The following CDK5RAP2 variants were observed in gnomAD, a reference collection of about 807,000 sequenced individuals.
CDK5RAP2 encodes the protein CDK5 regulatory subunit-associated protein 2.
A neutral mutation model predicts 232.9 loss-of-function variants in CDK5RAP2; 147 were observed. The observed-to-expected ratio is 0.63, with a 90% confidence interval of 0.55 to 0.72. CDK5RAP2 has a LOEUF of 0.72. Among genes scored for constraint, CDK5RAP2 ranks in the 30% least tolerant of loss-of-function variants. CDK5RAP2 has a pLI of 0.00. For synonymous variants in CDK5RAP2, 833 were observed against 833.7 expected, an observed-to-expected ratio of 1.00 and a Z score of 0.01; for missense variants, 2,195 against 2,231.5, an observed-to-expected ratio of 0.98 and a Z score of 0.33.
chr9:120,425,077 G>T (rs989852513), intron 25 of CDK5RAP2, among the ~76,000 whole-genome samples: 1 of 152,086 alleles, frequency 6.6e-6, no homozygotes, highest in African/African-American at 2.4e-5. Flanking sequence ...CAGGCTTTAA[G>T]CATTCCGGGT....
intron 4 of CDK5RAP2, among the ~76,000 whole-genome samples, chr9:120,547,366 G>C (rs1190535809): frequency 1.3e-5 from 2 of 152,110 alleles, no homozygotes; most frequent in African/African-American, 4.8e-5. Context: ...CAGTTTGGGA[G>C]GCTGAGGTGG....
In CDK5RAP2 at chr9:120,458,339, G is replaced by A. The variant is rs1418943094; in HGVS notation, c.2375+111C>T. 32 of 1,020,618 alleles carry A rather than the reference G, an allele frequency of 3.1e-5. No individual in the cohort carries two copies. The East Asian group carries it at 8.0e-4, about 25-fold the overall frequency. 63.2% of individuals were successfully genotyped at this position (1,020,618 alleles called of 1,614,324 possible). ...CAAGATTCCTTCCAAGCCATTTCAG[G>A]AGCTCTCTCAGGTAAATTACACAGC... is the stretch of plus-strand genomic sequence containing the variant. On this transcript the variant is annotated intron_variant, in intron 20 of 37. Coordinates refer to ENST00000349780, the MANE Select transcript of CDK5RAP2 (RefSeq NM_018249.6).
intron 27 of CDK5RAP2, among the ~76,000 whole-genome samples, chr9:120,416,629 G>T (rs2034239055): frequency 6.6e-6 from 1 of 152,096 alleles, no homozygotes; most frequent in Non-Finnish European, 1.5e-5. Flanking sequence ...GCATGTATTT[G>T]TTCAGCCTCT....
intron 11 of CDK5RAP2, among the ~76,000 whole-genome samples, chr9:120,521,393 C>CA (rs1158302999): frequency 1.3e-5 from 2 of 152,096 alleles, no homozygotes; most frequent in Non-Finnish European, 2.9e-5. Context: ...TTGTAGCTCC[C>CA]AAAATCCCCA....
At chr9:120,525,159 T>C (rs920434177) in intron 10 of CDK5RAP2, 81 bp from the exon 11 acceptor site, 20 of 1,056,412 alleles carry the variant, frequency 1.9e-5, no homozygotes, top group South Asian at 2.6e-5. Context: ...TCCTGCTCAA[T>C]TGTGTCGTGC....
At chr9:120,390,130 C>A (rs907801931) in intron 36 of CDK5RAP2, 1 of 303,132 alleles carries the variant, frequency 3.3e-6, no homozygotes, top group Non-Finnish European at 6.5e-6. Flanking sequence ...CTTCTGTGGG[C>A]CAGGGAGGGC....
At chr9:120,558,322 G>A (rs1384920132) in intron 3 of CDK5RAP2, among the ~76,000 whole-genome samples, 47 of 109,610 alleles carry the variant, frequency 4.3e-4, no homozygotes, top group Non-Finnish European at 5.5e-4. Flanking sequence ...GCAGTGAGCC[G>A]AGATCACACC....
Position 120,498,549 on chromosome 9 carries a change from T to C in CDK5RAP2, c.1312-7072A>G, listed in dbSNP as rs569748863. ...CATGGGAAAACTGGCAGAATTCAAA[T>C]AGAGTCTGTAGATTAGTTCATAATG... is the stretch of plus-strand genomic sequence containing the variant. On this transcript the variant is annotated intron_variant, in intron 12 of 37. Coordinates refer to ENST00000349780, the MANE Select transcript of CDK5RAP2 (RefSeq NM_018249.6). Among the ~76,000 whole-genome samples the C allele has an allele frequency of 1.1e-3, 175 of 152,280 alleles. 1 individual carries two copies. Among genetic ancestry groups the C allele is most frequent in the Non-Finnish European group, 2.1e-3 (143 of 68,026 alleles).
chr9:120,503,087 A>AC (rs2039648839), intron 12 of CDK5RAP2, among the ~76,000 whole-genome samples: 2 of 152,224 alleles, frequency 1.3e-5, no homozygotes, highest in Non-Finnish European at 2.9e-5. Flanking sequence ...AGTCAGTGTG[A>AC]CCCCAAATTC....
At chr9:120,449,128 C>G (rs1202902363) in intron 21 of CDK5RAP2, among the ~76,000 whole-genome samples, 2 of 152,194 alleles carry the variant, frequency 1.3e-5, no homozygotes, top group African/African-American at 2.4e-5. Flanking sequence ...TCCACTTCAC[C>G]CTGCTCTTCA....
intron 28 of CDK5RAP2, among the ~76,000 whole-genome samples, chr9:120,414,524 G>C (rs1198508707): frequency 6.6e-6 from 1 of 152,156 alleles, no homozygotes; most frequent in Non-Finnish European, 1.5e-5. Flanking sequence ...AAAAAACACT[G>C]TTAAGGATAC....
At chr9:120,561,604 T>C (rs1307123044) in intron 3 of CDK5RAP2, among the ~76,000 whole-genome samples, 1 of 152,060 alleles carries the variant, frequency 6.6e-6, no homozygotes, top group Non-Finnish European at 1.5e-5. Context: ...CCAGCCTCAA[T>C]AACAGAAATT....
chr9:120,523,740 T>C (rs894175476), intron 11 of CDK5RAP2, among the ~76,000 whole-genome samples: 1 of 152,192 alleles, frequency 6.6e-6, no homozygotes, highest in Non-Finnish European at 1.5e-5. Context: ...TGGACTTACT[T>C]TGATGATAAA....
chr9:120,527,967 C>T, intron 9 of CDK5RAP2, 42 bp from the exon 10 acceptor site: 1 of 1,610,392 alleles, frequency 6.2e-7, no homozygotes, highest in Non-Finnish European at 8.5e-7. Context: ...TGATGCGTTC[C>T]AACCAAAATG....
chr9:120,392,249 A>G (rs1413008441), intron 36 of CDK5RAP2, among the ~76,000 whole-genome samples: 1 of 152,136 alleles, frequency 6.6e-6, no homozygotes, highest in South Asian at 2.1e-4. Context: ...TAAAGTTGCT[A>G]TTGAACCCGG....
intron 3 of CDK5RAP2, 48 bp from the exon 4 acceptor site, chr9:120,550,950 G>T: frequency 9.3e-7 from 1 of 1,079,526 alleles, no homozygotes; most frequent in Non-Finnish European, 1.4e-6. Flanking sequence ...AAAGACAGAG[G>T]GTCCAACAGA....
At chr9:120,460,765 AAAACAAAAAGC>A (rs778973764) in intron 18 of CDK5RAP2, 98 bp from the exon 19 acceptor site, 11 of 1,561,532 alleles carry the variant, frequency 7.0e-6, no homozygotes, top group South Asian at 1.2e-5. Context: ...TTTTTAATGC[AAAACAAAAAGC>A]AAACAAAAAA....
intron 3 of CDK5RAP2, among the ~76,000 whole-genome samples, chr9:120,566,148 T>C (rs1041980576): frequency 6.6e-6 from 1 of 152,166 alleles, no homozygotes; most frequent in Non-Finnish European, 1.5e-5. Context: ...GCTCTTAAAA[T>C]TAGCTTTAGG....
At chr9:120,531,010 A>T (rs751994065) in intron 7 of CDK5RAP2, among the ~76,000 whole-genome samples, 37 of 152,170 alleles carry the variant, frequency 2.4e-4, no homozygotes, top group Middle Eastern at 3.4e-3. Context: ...ATAATTTTTA[A>T]AAAAAAGGAA....
Sources: gnomAD v4.1 joint callset for allele counts (sites outside exome capture counted in the v4.1 genomes callset) on GRCh38, gnomAD v4.1.1 for gene constraint, MANE v1.5 for transcripts, NCBI Gene and HGNC (gene_info 2026-07-23, HGNC 2026-07-21) for gene names.